Variants in DPYSL5 observed in about 807,000 individuals in gnomAD.
DPYSL5 encodes dihydropyrimidinase-related protein 5.
In DPYSL5, 9 loss-of-function variants were observed where a neutral mutation model predicts 58.4. The ratio of observed to expected loss-of-function variants is 0.15; its 90% CI spans 0.09 to 0.27. DPYSL5 has a LOEUF of 0.27. DPYSL5 is among the 10% of genes least tolerant of loss of function. DPYSL5 has a pLI of 1.00. For synonymous variants in DPYSL5, 293 were observed against 301.9 expected (o/e 0.97, Z 0.31); for missense variants, 499 against 770.6 (o/e 0.65, Z 4.17).
rs960299587 is a variant in DPYSL5 at position 26,900,290 on chromosome 2, C to T, written c.261+1530C>T. On this transcript the variant is annotated intron_variant, in intron 2 of 12. Coordinates refer to ENST00000288699, the MANE Select transcript of DPYSL5 (RefSeq NM_020134.4). ...GATATAATTTACATATCATACAATT[C>T]ATGTATTTAAAGTGTGTAAGTCAGT... Among the ~76,000 whole-genome samples, 3 of 152,262 alleles carry T rather than the reference C, an allele frequency of 2.0e-5. No individual in the cohort carries two copies. The South Asian group carries it at 6.2e-4, about 32-fold the overall frequency.
intron 1 of DPYSL5, among the ~76,000 whole-genome samples, chr2:26,858,887 T>G (rs2148108225): frequency 6.6e-6 from 1 of 152,212 alleles, no homozygotes; most frequent in South Asian, 2.1e-4. Flanking sequence ...TTTTGTACTT[T>G]AAAATATATA....
At chr2:26,900,851 C>A (rs912891831) in intron 2 of DPYSL5, among the ~76,000 whole-genome samples, 8 of 152,124 alleles carry the variant, frequency 5.3e-5, no homozygotes, top group Non-Finnish European at 1.2e-4. Flanking sequence ...GGGTCAGATG[C>A]CACACTGTCA....
At position 26,849,296 on chromosome 2, in the gene DPYSL5, C is replaced by T. The variant is rs1419902835; in HGVS notation, c.-5+1042C>T. ...AGGGAGGACGGGAGCGAGGAGAAGA[C>T]CCGCGCTGTGCGGGGGAGGGGGGCC... On this transcript the variant is annotated intron_variant, in intron 1 of 12. Transcript: ENST00000288699. The surrounding 1 kb of genome is among the most constrained non-coding windows in gnomAD (Gnocchi z 6.2). Among the ~76,000 whole-genome samples, 1 of 151,562 alleles carries T rather than the reference C, an allele frequency of 6.6e-6. No homozygotes were observed.
intron 2 of DPYSL5, among the ~76,000 whole-genome samples, chr2:26,914,416 C>T (rs946000329): frequency 2.4e-4 from 36 of 152,210 alleles, no homozygotes; most frequent in Admixed American, 1.8e-3. Flanking sequence ...ACCATCTTTC[C>T]CTGGGGGGTC....
At chr2:26,848,446 C>T (rs1164877409) in intron 1 of DPYSL5, 192 bp downstream of exon 1, 1 of 152,510 alleles carries the variant, frequency 6.6e-6, no homozygotes, top group East Asian at 1.9e-4. Context: ...CCGGGGCGCT[C>T]TTGGGGTCCT....
chr2:26,943,555 G>A (rs1665382035), intron 11 of DPYSL5, among the ~76,000 whole-genome samples: 1 of 152,188 alleles, frequency 6.6e-6, no homozygotes. Context: ...GAGCCACTGT[G>A]CGCGGCCCAA....
chr2:26,887,329 G>A (rs979856566), intron 1 of DPYSL5, among the ~76,000 whole-genome samples: 1 of 152,206 alleles, frequency 6.6e-6, no homozygotes, highest in Admixed American at 6.5e-5. Flanking sequence ...CTGGCCCCAA[G>A]TTCCTGTGCC....
chr2:26,898,384 C>T lies in DPYSL5; in HGVS notation c.-4-112C>T, dbSNP rs370348801. On this transcript the variant is annotated intron_variant, in intron 1 of 12. Transcript: ENST00000288699. The surrounding 1 kb of genome is among the most constrained non-coding windows in gnomAD (Gnocchi z 6.1). ...CGCTGGCTGTAGGGGAAAGTTCCTC[C>T]TCTTCTCTGCTCACTTACCCTGACC... 3.6e-5 allele frequency: 53 copies of T among 1,462,644 alleles called. No individual in the cohort carries two copies. In the East Asian group the frequency reaches 3.7e-4, roughly 10 times the overall value. The allele number at this position is 1,462,644 out of a possible 1,614,324, so 90.6% of individuals were successfully genotyped here.
chr2:26,899,757 G>A (rs937928721), intron 2 of DPYSL5, among the ~76,000 whole-genome samples: 6 of 152,166 alleles, frequency 3.9e-5, no homozygotes, highest in East Asian at 1.9e-4. Flanking sequence ...GCCATTGCCC[G>A]ACTGTGCCAA....
chr2:26,909,296 T>C (rs1474831899), intron 2 of DPYSL5, among the ~76,000 whole-genome samples: 1 of 152,106 alleles, frequency 6.6e-6, no homozygotes, highest in African/African-American at 2.4e-5. Flanking sequence ...TTCTCACTCA[T>C]ATTGCACACA....
chr2:26,890,794 C>G (rs1219152460), intron 1 of DPYSL5, among the ~76,000 whole-genome samples: 2 of 152,170 alleles, frequency 1.3e-5, no homozygotes, highest in East Asian at 1.9e-4. Flanking sequence ...GTGGTGAGCT[C>G]TCTCCTCCCG....
At chr2:26,929,577 C>A (rs927897232) in intron 5 of DPYSL5, among the ~76,000 whole-genome samples, 6 of 152,236 alleles carry the variant, frequency 3.9e-5, no homozygotes, top group African/African-American at 1.4e-4. Context: ...CCCCATTTCC[C>A]ACCACCACTG....
At chr2:26,920,669 G>A (rs1664679639) in intron 2 of DPYSL5, among the ~76,000 whole-genome samples, 1 of 152,228 alleles carries the variant, frequency 6.6e-6, no homozygotes, top group African/African-American at 2.4e-5. Context: ...GGAGGCTGAG[G>A]CAGGAGAATC....
intron 1 of DPYSL5, among the ~76,000 whole-genome samples, chr2:26,890,622 C>A (rs1663854732): frequency 6.6e-6 from 1 of 152,334 alleles, no homozygotes; most frequent in Non-Finnish European, 1.5e-5. Flanking sequence ...TGGGGTCCAG[C>A]TCACCCCTCC....
rs41288787 is a variant in DPYSL5, at chr2:26,941,986, G to A, written c.1126G>A (p.Val376Ile). 3.8e-5 allele frequency: 62 copies of A among 1,614,182 alleles called. No individual in the cohort carries two copies. Among genetic ancestry groups the A allele is most frequent in the Admixed American group, 5.0e-5 (3 of 60,030 alleles). Reference protein sequence around the residue: ...GKMDENRFVAVTSSNAAKLLN... With the variant: ...GKMDENRFVAITSSNAAKLLN... ...GATGGATGAGAACCGTTTTGTGGCCGTTACCAGTTCCAACGCAGCTAAGCT... is the reference window on the plus strand; with the variant it reads ...GATGGATGAGAACCGTTTTGTGGCCATTACCAGTTCCAACGCAGCTAAGCT... The change falls in exon 10 of 13, where the codon GTT becomes ATT. Residue 376 changes from valine to isoleucine, a missense_variant. By Grantham distance (29) the Val-to-Ile change is conservative (BLOSUM62 3). Transcript: ENST00000288699.
At chr2:26,931,203 G>GTATGTATATATATATATA (rs1553320893) in intron 5 of DPYSL5, among the ~76,000 whole-genome samples, 6 of 44,910 alleles carry the variant, frequency 1.3e-4, no homozygotes, top group Non-Finnish European at 2.1e-4. Context: ...GTGTGTGTGT[G>GTATGTATATATATATATA]TATATATATA....
chr2:26,888,229 C>CTTTCTTTCTT (rs1210811206), intron 1 of DPYSL5, among the ~76,000 whole-genome samples: 4 of 129,398 alleles, frequency 3.1e-5, no homozygotes, highest in African/African-American at 1.3e-4. Flanking sequence ...TTCTTTCTTT[C>CTTTCTTTCTT]TTTCTTTCTT....
In DPYSL5 at chr2:26,927,292, G is replaced by A. The variant is rs1664852369; in HGVS notation, c.460G>A (p.Val154Ile). 1.2e-6 allele frequency: 2 copies of A among 1,614,118 alleles called. No individual in the cohort carries two copies. Among genetic ancestry groups the A allele is most frequent in the Non-Finnish European group, 1.7e-6 (2 of 1,179,998 alleles). ...EMETLVREKG[V>I]NSFQMFMTYK... ...GGAGACACTGGTGAGGGAGAAGGGT[G>A]TCAACTCGTTCCAGATGTTCATGAC... Residue 154 changes from valine (V) to isoleucine (I), a missense_variant, in exon 4 of 13, where the codon GTC becomes ATC. Physicochemically the swap from Val to Ile is conservative, Grantham distance 29 (BLOSUM62 3). Transcript: ENST00000288699. This position sits in a 1 kb window ranked among gnomAD's most constrained non-coding sequence, Gnocchi z 4.3.
chr2:26,868,825 T>C (rs1013541263), intron 1 of DPYSL5, among the ~76,000 whole-genome samples: 1 of 152,240 alleles, frequency 6.6e-6, no homozygotes, highest in African/African-American at 2.4e-5. Context: ...AAGAAACACA[T>C]TGGGTATTCA....
Sources: allele counts gnomAD v4.1 joint callset (sites outside exome capture counted in the v4.1 genomes callset), GRCh38; gene constraint gnomAD v4.1.1; non-coding constraint Gnocchi (gnomAD v3.1); transcripts MANE v1.5; gene names NCBI Gene and HGNC (gene_info 2026-07-23, HGNC 2026-07-21).